Variants in TACR3 observed in about 807,000 individuals in gnomAD.
TACR3 encodes the protein neuromedin-K receptor.
A neutral mutation model predicts 35.0 loss-of-function variants in TACR3; 34 were observed. The observed-to-expected ratio is 0.97, with a 90% CI of 0.74 to 1.30. The LOEUF (loss-of-function observed/expected upper bound fraction) is 1.30. Ranked by LOEUF, TACR3 falls within the 50% of genes most tolerant of loss-of-function variation. TACR3 has a pLI of 0.00. For missense variants in TACR3, 558 were observed against 591.7 expected (o/e 0.94, Z 0.59); for synonymous variants, 233 against 221.1 (o/e 1.05, Z -0.48).
At chr4:103,647,205 A>G (rs1487736827) in intron 3 of TACR3, among the ~76,000 whole-genome samples, 1 of 151,944 alleles carries the variant, frequency 6.6e-6, no homozygotes, top group Non-Finnish European at 1.5e-5. Context: ...TTGAATAAAG[A>G]CATAAAGTTT....
At chr4:103,593,087 T>G (rs1470927634) in intron 3 of TACR3, among the ~76,000 whole-genome samples, 1 of 152,204 alleles carries the variant, frequency 6.6e-6, no homozygotes, top group Non-Finnish European at 1.5e-5. Context: ...TGCATTTTAT[T>G]TCTCAGATTT....
At chr4:103,669,997 G>T (rs1726021967) in intron 1 of TACR3, among the ~76,000 whole-genome samples, 1 of 151,844 alleles carries the variant, frequency 6.6e-6, no homozygotes, top group South Asian at 2.1e-4. Flanking sequence ...TTTTTATATG[G>T]TGAGAGATAG....
intron 3 of TACR3, among the ~76,000 whole-genome samples, chr4:103,652,665 T>C (rs189866855): frequency 1.3e-5 from 2 of 152,248 alleles, no homozygotes; most frequent in Non-Finnish European, 2.9e-5. Flanking sequence ...CTCCACCCCG[T>C]GTAGTCTCTT....
At chr4:103,661,332 G>A (rs1725833654) in intron 1 of TACR3, among the ~76,000 whole-genome samples, 1 of 152,056 alleles carries the variant, frequency 6.6e-6, no homozygotes, top group African/African-American at 2.4e-5. Flanking sequence ...TCCTGCTCAT[G>A]TTGATTATAA....
chr4:103,679,536 G>A (rs545922304), intron 1 of TACR3, among the ~76,000 whole-genome samples: 1 of 151,912 alleles, frequency 6.6e-6, no homozygotes, highest in East Asian at 1.9e-4. Context: ...TTCATTCTCA[G>A]GTTTTATATG....
intron 3 of TACR3, among the ~76,000 whole-genome samples, chr4:103,654,637 G>A (rs1045226548): frequency 6.6e-6 from 1 of 150,924 alleles, no homozygotes; most frequent in South Asian, 2.1e-4. Flanking sequence ...CGTGGCACAT[G>A]TATACATATG....
intron 1 of TACR3, among the ~76,000 whole-genome samples, chr4:103,689,068 C>G (rs1722329807): frequency 6.6e-6 from 1 of 151,064 alleles, no homozygotes; most frequent in Non-Finnish European, 1.5e-5. Flanking sequence ...ACTATGCAGC[C>G]ATAAAAAAAT....
intron 3 of TACR3, among the ~76,000 whole-genome samples, chr4:103,601,979 G>GT (rs1473584401): frequency 2.0e-5 from 3 of 152,306 alleles, no homozygotes; most frequent in African/African-American, 7.2e-5. Flanking sequence ...CCTGCAGAGT[G>GT]TTTTCCAACT....
At chr4:103,700,784 AACC>A (rs1722631926) in intron 1 of TACR3, among the ~76,000 whole-genome samples, 1 of 152,212 alleles carries the variant, frequency 6.6e-6, no homozygotes, top group Non-Finnish European at 1.5e-5. Context: ...GTATAAACAG[AACC>A]AACGACAAAA....
chr4:103,640,464 T>C (rs1451433326), intron 3 of TACR3, among the ~76,000 whole-genome samples: 3 of 152,044 alleles, frequency 2.0e-5, no homozygotes, highest in African/African-American at 7.2e-5. Flanking sequence ...TTTGTATACT[T>C]TCATTTGAGA....
Position 103,658,224 on chromosome 4 carries a change from T to A in TACR3, c.728A>T (p.Gln243Leu). 1 of 1,613,932 alleles carries A rather than the reference T, an allele frequency of 6.2e-7. No individual in the cohort carries two copies. The highest frequency in any genetic ancestry group is 8.5e-7 in the Non-Finnish European group (1 of 1,179,892). ...CFVQWPEGPK[Q>L]HFTYHIIVII... ...TAGAGAATTAACTTACGTGAAATGT[T>A]GTTTGGGACCTTCTGGCCATTGCAC... Residue 243 changes from glutamine to leucine, a missense_variant, in exon 2 of 5, where the codon CAA (glutamine) becomes CTA (leucine). Gln to Leu is a moderately radical substitution (Grantham distance 113). Coordinates refer to ENST00000304883, the MANE Select transcript of TACR3 (RefSeq NM_001059.3).
At chr4:103,671,527 T>C (rs1302329491) in intron 1 of TACR3, among the ~76,000 whole-genome samples, 1 of 152,060 alleles carries the variant, frequency 6.6e-6, no homozygotes, top group East Asian at 1.9e-4. Context: ...AGGTTGTATG[T>C]ATTCAAGAAT....
chr4:103,659,488 A>G (rs1725794510), intron 1 of TACR3, among the ~76,000 whole-genome samples: 2 of 152,174 alleles, frequency 1.3e-5, no homozygotes, highest in South Asian at 2.1e-4. Flanking sequence ...TATGGTCCAT[A>G]AACCCATTTA....
chr4:103,599,925 T>C (rs1724151090), intron 3 of TACR3, among the ~76,000 whole-genome samples: 1 of 152,128 alleles, frequency 6.6e-6, no homozygotes, highest in Admixed American at 6.6e-5. Context: ...TCTTTTTTGG[T>C]TGTGTCTCTG....
chr4:103,631,009 G>A (rs1368146339), intron 3 of TACR3, among the ~76,000 whole-genome samples: 1 of 152,118 alleles, frequency 6.6e-6, no homozygotes, highest in Non-Finnish European at 1.5e-5. Flanking sequence ...ATAAAAAGAT[G>A]AGTTCATGTC....
chr4:103,711,238 C>A (rs542838285), intron 1 of TACR3, among the ~76,000 whole-genome samples: 31 of 152,220 alleles, frequency 2.0e-4, no homozygotes, highest in Admixed American at 1.8e-3. Context: ...ATGCAAAAAT[C>A]CTCAATAAAA....
chr4:103,632,543 TG>T (rs1339848960), intron 3 of TACR3, among the ~76,000 whole-genome samples: 1 of 122,132 alleles, frequency 8.2e-6, no homozygotes, highest in Non-Finnish European at 1.7e-5. Context: ...TGTTGGTGGG[TG>T]GGGGGTGAGG....
At chr4:103,681,257 A>G (rs1722080567) in intron 1 of TACR3, among the ~76,000 whole-genome samples, 1 of 152,084 alleles carries the variant, frequency 6.6e-6, no homozygotes, top group African/African-American at 2.4e-5. Flanking sequence ...GTTATGAAGG[A>G]TCTCTCAATT....
chr4:103,698,352 C>T (rs910490626), intron 1 of TACR3, among the ~76,000 whole-genome samples: 1 of 152,022 alleles, frequency 6.6e-6, no homozygotes, highest in Non-Finnish European at 1.5e-5. Context: ...TTCATAAGTG[C>T]CTAGCATCTT....
Sources: gnomAD v4.1 joint callset for allele counts (sites outside exome capture counted in the v4.1 genomes callset) on GRCh38, gnomAD v4.1.1 for gene constraint, MANE v1.5 for transcripts, NCBI Gene and HGNC (gene_info 2026-07-23, HGNC 2026-07-21) for gene names.